Variants in ANKRD39 observed in about 807,000 individuals in gnomAD.
ANKRD39 encodes ankyrin repeat domain-containing protein 39.
In ANKRD39, 18 loss-of-function variants were observed where a neutral mutation model predicts 20.3. That is an observed-to-expected ratio of 0.89 (90% confidence interval 0.61 to 1.32). The LOEUF is 1.32. Among genes scored for constraint, ANKRD39 ranks in the 40% most tolerant of loss-of-function variants. The pLI is 0.00. For missense variants in ANKRD39, 243 were observed against 250.7 expected (o/e 0.97, Z 0.21); for synonymous variants, 106 against 111.9 (o/e 0.95, Z 0.33).
intron 1 of ANKRD39, among the ~76,000 whole-genome samples, chr2:96,856,712 G>GAA (rs1360501764): frequency 1.3e-5 from 2 of 152,126 alleles, no homozygotes; most frequent in Admixed American, 1.3e-4. Context: ...GTCCCTTAAA[G>GAA]GGCAGAACTG....
At chr2:96,856,071 C>T (rs1428856736) in intron 1 of ANKRD39, among the ~76,000 whole-genome samples, 1 of 152,222 alleles carries the variant, frequency 6.6e-6, no homozygotes, top group Non-Finnish European at 1.5e-5. Context: ...TTTGTGACAA[C>T]AGTAGCTAAA....
intron 2 of ANKRD39, 46 bp from the exon 3 acceptor site, chr2:96,853,650 T>C (rs1310406833): frequency 6.3e-7 from 1 of 1,584,600 alleles, no homozygotes; most frequent in East Asian, 2.3e-5. Flanking sequence ...GCCAGGCAGG[T>C]GACAAGGGTG....
intron 3 of ANKRD39, among the ~76,000 whole-genome samples, chr2:96,851,999 T>TCTA (rs1391996132): frequency 6.6e-6 from 1 of 152,036 alleles, no homozygotes; most frequent in Non-Finnish European, 1.5e-5. Flanking sequence ...AGACCCTGTC[T>TCTA]CTACTACTAC....
chr2:96,852,541 G>T (rs889255549), intron 3 of ANKRD39, among the ~76,000 whole-genome samples: 27 of 150,980 alleles, frequency 1.8e-4, no homozygotes, highest in South Asian at 4.2e-4. Flanking sequence ...CCTGGAGAAG[G>T]GGGCAGGAGC....
chr2:96,854,306 G>C (rs765684528), intron 2 of ANKRD39, 32 bp downstream of exon 2: 1 of 1,602,154 alleles, frequency 6.2e-7, no homozygotes, highest in East Asian at 2.2e-5. Context: ...TAACGCTTCT[G>C]TCTCCTGACC....
In ANKRD39 at chr2:96,857,919, C is replaced by T; in HGVS notation, c.69G>A (p.Gln23=). ...CGAAGTCCATCTCCTCCAGCGTCTG[C>T]TGTACGCCGAGCACCGCGCTGGGAT... ...CSHPSAVLGV[Q]QTLEEMDFER... is the part of the protein sequence containing the mutation. The change falls in exon 1 of 4, where the codon CAG becomes CAA. Residue 23 remains glutamine, a synonymous_variant. Coordinates refer to ENST00000393537, the MANE Select transcript of ANKRD39 (RefSeq NM_016466.6). The T allele has an allele frequency of 1.3e-6, 2 of 1,584,782 alleles. No homozygotes were observed. Among genetic ancestry groups the T allele is most frequent in the Non-Finnish European group, 1.7e-6 (2 of 1,172,166 alleles).
intron 1 of ANKRD39, among the ~76,000 whole-genome samples, chr2:96,854,826 G>T (rs1023342585): frequency 2.0e-5 from 3 of 152,180 alleles, no homozygotes; most frequent in Non-Finnish European, 1.5e-5. Context: ...GTTTCACCAT[G>T]TTGGTCAGGC....
intron 3 of ANKRD39, among the ~76,000 whole-genome samples, chr2:96,850,865 C>A (rs953491752): frequency 2.0e-5 from 3 of 152,184 alleles, no homozygotes; most frequent in African/African-American, 4.8e-5. Context: ...AACGTCTGAG[C>A]AACACCATTA....
chr2:96,849,805 T>A (rs961114136), intron 3 of ANKRD39, among the ~76,000 whole-genome samples: 1 of 152,268 alleles, frequency 6.6e-6, no homozygotes. Context: ...AACTTTTAGA[T>A]TGGCAGGGAA....
intron 3 of ANKRD39, 27 bp downstream of exon 3, chr2:96,853,374 C>A: frequency 1.3e-6 from 2 of 1,551,706 alleles, no homozygotes; most frequent in Non-Finnish European, 1.7e-6. Flanking sequence ...AAGGAAACGA[C>A]ATTTTTGGAA....
Position 96,848,130 on chromosome 2 carries a change from A to T in ANKRD39, c.*171T>A, listed in dbSNP as rs1313512383. The T allele has an allele frequency of 3.9e-6, 3 of 770,730 alleles. No individual in the cohort carries two copies. The East Asian group carries it at 8.1e-5, about 21-fold the overall frequency. The allele number at this position is 770,730 out of a possible 1,614,324, so 47.7% of individuals were successfully genotyped here. On this transcript the variant is annotated 3_prime_UTR_variant, in exon 4 of 4. Coordinates refer to ENST00000393537, the MANE Select transcript of ANKRD39 (RefSeq NM_016466.6). ...TATGATCATCTGTCCAGTCTTAAAC[A>T]CTTTTAGCCACACCAAATCTACTCC...
Position 96,857,893 on chromosome 2 carries a change from T to C in ANKRD39, c.95A>G (p.Glu32Gly), listed in dbSNP as rs2079874005. Residue 32 changes from glutamate (E) to glycine (G), a missense_variant, in exon 1 of 4, where the codon GAG becomes GGG. By Grantham distance (98) the Glu-to-Gly change is moderately conservative. Transcript: ENST00000393537. ...VQQTLEEMDF[E>G]RGIWSAALNG... Reference sequence around the variant, plus strand: ...GGGCCGCGCGGCAGCCTCACCCCTCTCGAAGTCCATCTCCTCCAGCGTCTG... The same window carrying C: ...GGGCCGCGCGGCAGCCTCACCCCTCCCGAAGTCCATCTCCTCCAGCGTCTG... The C allele has an allele frequency of 1.9e-6, 3 of 1,579,318 alleles. No homozygotes were observed. In the South Asian group the frequency reaches 3.4e-5, roughly 18 times the overall value.
rs1279241241 is a variant in ANKRD39 at position 96,858,013 on chromosome 2, C to T, written c.-26G>A. 1 of 1,508,468 alleles carries T rather than the reference C, an allele frequency of 6.6e-7. No homozygotes were observed. Among genetic ancestry groups the T allele is most frequent in the Non-Finnish European group, 8.8e-7 (1 of 1,133,142 alleles). 93.4% of individuals were successfully genotyped at this position (1,508,468 alleles called of 1,614,324 possible). ...CCCGGCCCCGGCGTCAGTCGATCCGCCCCGGGTCTCAGGCTCAGCCTCGGC... is the reference window on the plus strand; with the variant it reads ...CCCGGCCCCGGCGTCAGTCGATCCGTCCCGGGTCTCAGGCTCAGCCTCGGC... On this transcript the variant is annotated 5_prime_UTR_variant, in exon 1 of 4. Transcript: ENST00000393537.
At chr2:96,853,737 G>A in intron 2 of ANKRD39, 133 bp from the exon 3 acceptor site, 1 of 821,326 alleles carries the variant, frequency 1.2e-6, no homozygotes. Context: ...GCAGTCGTGT[G>A]ACCTGGGCAA....
intron 3 of ANKRD39, among the ~76,000 whole-genome samples, chr2:96,850,265 T>C (rs994454812): frequency 7.2e-5 from 11 of 152,262 alleles, no homozygotes; most frequent in African/African-American, 2.7e-4. Flanking sequence ...AGCTCTCAAT[T>C]CCACTGCCTT....
rs1296030231 is a variant in ANKRD39, at chr2:96,848,420, T to C, written c.433A>G (p.Ile145Val). The change falls in exon 4 of 4, where the codon ATC (isoleucine) becomes GTC (valine). Residue 145 changes from isoleucine (I) to valine (V), a missense_variant. Transcript: ENST00000393537. ...HKAAERGHGD[I>V]CSLLLQHSPA... is the part of the protein sequence containing the mutation. ...CTGTGTTGCAGGAGGAGGGAGCAGA[T>C]GTCCCCGTGACCCCTCTCAGCAGCC... is the stretch of plus-strand genomic sequence containing the variant. 1 of 1,614,168 alleles carries C rather than the reference T, an allele frequency of 6.2e-7. No homozygotes were observed. Among genetic ancestry groups the C allele is most frequent in the South Asian group, 1.1e-5 (1 of 91,080 alleles).
At position 96,853,300 on chromosome 2, in the gene ANKRD39, G is replaced by A. The variant is rs1012651143; in HGVS notation, c.408+101C>T. ...AAGGGAATTACAAATGATTTTAACT[G>A]TCTTCTCTCTGATTTCCTGTTTTCC... On this transcript the variant is annotated intron_variant, in intron 3 of 3. Transcript: ENST00000393537. 6 of 1,364,520 alleles carry A rather than the reference G, an allele frequency of 4.4e-6. No individual in the cohort carries two copies. The South Asian group carries it at 6.7e-5, about 15-fold the overall frequency. The allele number at this position is 1,364,520 out of a possible 1,614,324, so 84.5% of individuals were successfully genotyped here. A position where few individuals can be genotyped will look rare whatever the true frequency, so the allele number is the denominator to read the frequency against.
chr2:96,849,061 A>G (rs575441245), intron 3 of ANKRD39, among the ~76,000 whole-genome samples: 67 of 152,288 alleles, frequency 4.4e-4, no homozygotes, highest in African/African-American at 1.5e-3. Flanking sequence ...CACATCACCT[A>G]GAGGGTGCTG....
chr2:96,852,678 G>A (rs1038648362), intron 3 of ANKRD39, among the ~76,000 whole-genome samples: 4 of 152,080 alleles, frequency 2.6e-5, no homozygotes, highest in Admixed American at 2.0e-4. Flanking sequence ...CAAAGAAGGG[G>A]CAAGAGGGGA....
Sources: gnomAD v4.1 joint callset for allele counts (sites outside exome capture counted in the v4.1 genomes callset) on GRCh38, gnomAD v4.1.1 for gene constraint, MANE v1.5 for transcripts, NCBI Gene and HGNC (gene_info 2026-07-23, HGNC 2026-07-21) for gene names.